Variants in ADGRE2 observed in about 807,000 individuals in gnomAD.
ADGRE2 encodes CD97 antigen.
In ADGRE2, 83 loss-of-function variants were observed where a neutral mutation model predicts 100.8. That is an observed-to-expected ratio of 0.82 (90% CI 0.69 to 0.99). ADGRE2 has a LOEUF of 0.99. Ranked by LOEUF, ADGRE2 falls within the 50% of genes least tolerant of loss-of-function variation. ADGRE2 has a pLI of 0.00. For synonymous variants in ADGRE2, 355 were observed against 413.0 expected (o/e 0.86, Z 1.70); for missense variants, 814 against 1,035.7 (o/e 0.79, Z 2.94).
chr19:14,778,104 C>T (rs1417627132), intron 1 of ADGRE2, among the ~76,000 whole-genome samples, 153 bp downstream of exon 1: 2 of 152,148 alleles, frequency 1.3e-5, no homozygotes, highest in Admixed American at 1.3e-4. Flanking sequence ...AATTTACATT[C>T]CCACCAACAG....
At chr19:14,744,440 G>A (rs1278129858) in intron 18 of ADGRE2, among the ~76,000 whole-genome samples, 1 of 151,918 alleles carries the variant, frequency 6.6e-6, no homozygotes, top group African/African-American at 2.4e-5. Context: ...ACCCTGTAGA[G>A]GAATTATTTT....
intron 10 of ADGRE2, 117 bp from the exon 11 acceptor site, chr19:14,764,727 T>C (rs1004192827): frequency 1.4e-5 from 16 of 1,164,122 alleles, no homozygotes; most frequent in Non-Finnish European, 1.9e-5. Context: ...GGGATGAAGA[T>C]GGCATTGGCG....
the ADGRE2 span, among the ~76,000 whole-genome samples, chr19:14,726,379 A>G: frequency 6.6e-6 from 1 of 152,158 alleles, no homozygotes; most frequent in Admixed American, 6.5e-5. Flanking sequence ...GGATCTTAGC[A>G]CTTGGCTCCC....
rs369479601 is a variant in ADGRE2, at chr19:14,751,353, G to A, written c.2024+83C>T. The A allele has an allele frequency of 1.5e-3, 1,469 of 959,570 alleles. 3 individuals are homozygous for A. Among genetic ancestry groups the A allele is most frequent in the Non-Finnish European group, 2.0e-3 (1,219 of 600,186 alleles). 59.4% of individuals were successfully genotyped at this position (959,570 alleles called of 1,614,324 possible). ...ATCCCTACTGATCTAATTAAAAGCAGGTGTCATAAAAATGCTATCTAGGTT... is the reference window on the plus strand; with the variant it reads ...ATCCCTACTGATCTAATTAAAAGCAAGTGTCATAAAAATGCTATCTAGGTT... On this transcript the variant is annotated intron_variant, in intron 16 of 20. Transcript: ENST00000315576.
At chr19:14,759,967 C>CTGTGT (rs2043656699) in intron 11 of ADGRE2, among the ~76,000 whole-genome samples, 1 of 151,928 alleles carries the variant, frequency 6.6e-6, no homozygotes, top group Non-Finnish European at 1.5e-5. Flanking sequence ...TACAGGCACC[C>CTGTGT]GCCACCACGC....
At chr19:14,756,118 C>G in intron 12 of ADGRE2, 120 bp downstream of exon 12, 1 of 851,024 alleles carries the variant, frequency 1.2e-6, no homozygotes, top group Non-Finnish European at 1.9e-6. Flanking sequence ...TCTCCTCTTA[C>G]AGCCCCACTC....
Position 14,755,760 on chromosome 19 carries a change from A to T in ADGRE2, c.1310T>A (p.Leu437Gln). ...GAGCAGGATGGGGGAGCCGTCCTGC[A>T]GCAAGCCCTGGTGTGTCTCATGCAG... The part of the protein sequence containing the change: ...MLLHETHQGL[L>Q]QDGSPILLSD... Residue 437 changes from leucine to glutamine, a missense_variant, in exon 13 of 21, where the codon CTG becomes CAG. By Grantham distance (113) the Leu-to-Gln change is moderately radical. This residue lies in a region of ADGRE2 where 569 missense variants were observed against 692.7 expected (regional missense o/e 0.82). Coordinates refer to ENST00000315576, the MANE Select transcript of ADGRE2 (RefSeq NM_013447.4). 1 of 1,614,240 alleles carries T rather than the reference A, an allele frequency of 6.2e-7. No homozygotes were observed. The highest frequency in any genetic ancestry group is 8.5e-7 in the Non-Finnish European group (1 of 1,180,046).
At chr19:14,766,745 GGGGTGAGGTCTGGGGGCCCACAA>G (rs750117162) in intron 6 of ADGRE2, among the ~76,000 whole-genome samples, 1 of 152,230 alleles carries the variant, frequency 6.6e-6, no homozygotes, top group Non-Finnish European at 1.5e-5. Context: ...AGATGAGGAA[GGGGTGAGGTCTGGGGGCCCACAA>G]GGGCACTCCA....
At chr19:14,741,843 G>C (rs886868671) in intron 20 of ADGRE2, 11 of 391,684 alleles carry the variant, frequency 2.8e-5, no homozygotes, top group Non-Finnish European at 4.9e-5. Flanking sequence ...CAGTGAAATG[G>C]GGTTAGAATT....
chr19:14,775,885 G>T (rs901681978), intron 2 of ADGRE2, among the ~76,000 whole-genome samples: 5 of 127,278 alleles, frequency 3.9e-5, no homozygotes, highest in Non-Finnish European at 6.7e-5. Context: ...AAATGATGGC[G>T]CTGGATCCCC....
chr19:14,776,976 G>GCACAAACACACACACACACA, intron 1 of ADGRE2, 49 bp from the exon 2 acceptor site: 1 of 1,024,728 alleles, frequency 9.8e-7, no homozygotes, highest in Non-Finnish European at 1.2e-6. Context: ...CAGGGGCGCT[G>GCACAAACACACACACACACA]CACACACACA....
chr19:14,764,052 C>T (rs1406126908), intron 11 of ADGRE2, among the ~76,000 whole-genome samples: 1 of 151,006 alleles, frequency 6.6e-6, no homozygotes, highest in Non-Finnish European at 1.5e-5. Context: ...CTTCTTCTTC[C>T]TCCTCCTCCT....
chr19:14,769,652 C>T (rs2044121721), intron 5 of ADGRE2, among the ~76,000 whole-genome samples: 1 of 152,140 alleles, frequency 6.6e-6, no homozygotes, highest in Non-Finnish European at 1.5e-5. Context: ...ACTAAGCCCC[C>T]TCTCTCAGTG....
At chr19:14,748,352 A>G (rs953369659) in intron 16 of ADGRE2, among the ~76,000 whole-genome samples, 7 of 151,910 alleles carry the variant, frequency 4.6e-5, no homozygotes, top group Admixed American at 6.6e-5. Context: ...CTCTGTGGCC[A>G]GGCTGAAGTG....
rs956863729 is a variant in ADGRE2 at position 14,736,097 on chromosome 19, C to T, written c.*139G>A. The stretch of plus-strand genomic sequence containing the variant: ...GGAATTGAATGCCTAGCACGCCTTC[C>T]ATAACATCCTTCATATTGCTGACAT... On this transcript the variant is annotated 3_prime_UTR_variant, in exon 21 of 21. Coordinates refer to ENST00000315576, the MANE Select transcript of ADGRE2 (RefSeq NM_013447.4). 3 of 777,632 alleles carry T rather than the reference C, an allele frequency of 3.9e-6. No homozygotes were observed. Among genetic ancestry groups the T allele is most frequent in the Non-Finnish European group, 6.3e-6 (3 of 472,838 alleles). The allele number at this position is 777,632 out of a possible 1,614,324, so 48.2% of individuals were successfully genotyped here.
chr19:14,738,969 C>CT (rs68029679), intron 20 of ADGRE2, among the ~76,000 whole-genome samples: 16,531 of 104,698 alleles, frequency 0.16, 2,005 homozygotes, highest in African/African-American at 0.37. Context: ...CTTTTCTTTT[C>CT]TTTTTTTTTT....
At chr19:14,738,793 T>C (rs977806015) in intron 20 of ADGRE2, among the ~76,000 whole-genome samples, 1 of 152,130 alleles carries the variant, frequency 6.6e-6, no homozygotes, top group Non-Finnish European at 1.5e-5. Flanking sequence ...CTTGCTTATA[T>C]AGTTAGTATT....
In ADGRE2 at chr19:14,736,683, T is replaced by TACATAGATATTTCTAA. The variant is rs1345150729; in HGVS notation, c.2464-440_2464-439insTTAGAAATATCTATGT. Among the ~76,000 whole-genome samples, 1,388 of 142,626 alleles carry TACATAGATATTTCTAA rather than the reference T, an allele frequency of 9.7e-3. 20 individuals carry two copies. The highest frequency in any genetic ancestry group is 0.061 in the East Asian group (301 of 4,952). 93.6% of individuals were successfully genotyped at this position (142,626 alleles called of 152,430 possible). ...ATTTCTAAATATATATATTTAGAAA[T>TACATAGATATTTCTAA]ATATAGATATTTAGAAATATATAGA... is the stretch of plus-strand genomic sequence containing the variant. On this transcript the variant is annotated intron_variant, in intron 20 of 20. Coordinates refer to ENST00000315576, the MANE Select transcript of ADGRE2 (RefSeq NM_013447.4).
At chr19:14,736,422 C>T (rs996183107) in intron 20 of ADGRE2, among the ~76,000 whole-genome samples, 178 bp from the exon 21 acceptor site, 12 of 151,898 alleles carry the variant, frequency 7.9e-5, no homozygotes, top group South Asian at 2.1e-4. Flanking sequence ...CCACCACACC[C>T]GGCTAATTTT....
Sources: gnomAD v4.1 joint callset for allele counts (sites outside exome capture counted in the v4.1 genomes callset) on GRCh38, gnomAD v4.1.1 for gene constraint, gnomAD v4.1.1 regional missense constraint, MANE v1.5 for transcripts, NCBI Gene and HGNC (gene_info 2026-07-23, HGNC 2026-07-21) for gene names.